Variants in GRIP2 observed in about 807,000 individuals in gnomAD.
GRIP2 encodes the protein glutamate receptor interacting protein 2.
A neutral mutation model predicts 108.3 loss-of-function variants in GRIP2; 58 were observed. The ratio of observed to expected loss-of-function variants is 0.54; its 90% CI spans 0.43 to 0.67. The LOEUF is 0.67. Among genes scored for constraint, GRIP2 ranks in the 30% least tolerant of loss-of-function variants. The pLI is 0.00. For synonymous variants in GRIP2, 586 were observed against 598.2 expected (o/e 0.98, Z 0.30); for missense variants, 1,278 against 1,430.6 (o/e 0.89, Z 1.72).
rs1424078392 is a variant in GRIP2, at chr3:14,522,781, C to T, written c.566+219G>A. On this transcript the variant is annotated intron_variant, in intron 6 of 23. Coordinates refer to ENST00000621039, the MANE Select transcript of GRIP2 (RefSeq NM_001080423.4). The surrounding 1 kb of genome is among the most constrained non-coding windows in gnomAD (Gnocchi z 4.3). ...TCTCCAAACACCCCAACCCCTGAGACAGCAGTATGTTGGGGAAGAAAGGGC... is the reference window on the plus strand; with the variant it reads ...TCTCCAAACACCCCAACCCCTGAGATAGCAGTATGTTGGGGAAGAAAGGGC... 1.8e-6 allele frequency: 1 copy of T among 554,158 alleles called. No homozygotes were observed. The allele number at this position is 554,158 out of a possible 1,614,324, so 34.3% of individuals were successfully genotyped here.
the GRIP2 span, among the ~76,000 whole-genome samples, chr3:14,601,291 G>T: frequency 6.6e-6 from 1 of 152,118 alleles, no homozygotes; most frequent in Non-Finnish European, 1.5e-5. Flanking sequence ...AGAGAGGCTT[G>T]TCCAAGATCA....
At chr3:14,509,997 C>G (rs1234081259) in intron 16 of GRIP2, 33 bp from the exon 17 acceptor site, 1 of 1,402,454 alleles carries the variant, frequency 7.1e-7, no homozygotes, top group Non-Finnish European at 9.4e-7. Flanking sequence ...GGAGGAGGCC[C>G]CCGAGGGGGT....
At chr3:14,499,151 G>A (rs2124843339) in intron 21 of GRIP2, among the ~76,000 whole-genome samples, 1 of 152,298 alleles carries the variant, frequency 6.6e-6, no homozygotes, top group Admixed American at 6.5e-5. Context: ...GGTGGGGCCG[G>A]AATCTGCCTT....
chr3:14,524,104 G>C, intron 4 of GRIP2: 1 of 530,508 alleles, frequency 1.9e-6, no homozygotes, highest in East Asian at 3.2e-5. Flanking sequence ...GGTAGGTCAG[G>C]GAACGACTTA....
the GRIP2 span, among the ~76,000 whole-genome samples, chr3:14,581,732 TG>T: frequency 6.6e-6 from 1 of 152,256 alleles, no homozygotes; most frequent in Non-Finnish European, 1.5e-5. Flanking sequence ...AGCCCCTGGA[TG>T]TAGCCCTTCC....
the GRIP2 span, among the ~76,000 whole-genome samples, chr3:14,563,755 T>G: frequency 6.6e-6 from 1 of 152,074 alleles, no homozygotes; most frequent in African/African-American, 2.4e-5. Flanking sequence ...AAAGAACTAG[T>G]GCTGAATCAG....
At chr3:14,599,166 G>A in the GRIP2 span, among the ~76,000 whole-genome samples, 1 of 152,118 alleles carries the variant, frequency 6.6e-6, no homozygotes, top group Non-Finnish European at 1.5e-5. Context: ...CCAATACCCA[G>A]AACAAGGCCC....
At chr3:14,596,745 C>T in the GRIP2 span, among the ~76,000 whole-genome samples, 1 of 152,024 alleles carries the variant, frequency 6.6e-6, no homozygotes, top group Non-Finnish European at 1.5e-5. Flanking sequence ...GGGAAGGCTT[C>T]TCTGAGGAGG....
chr3:14,601,064 TCTCA>T, the GRIP2 span, among the ~76,000 whole-genome samples: 1 of 145,544 alleles, frequency 6.9e-6, no homozygotes, highest in East Asian at 2.0e-4. Context: ...CATCTCTCTC[TCTCA>T]CACACACACA....
rs1693962744 is a variant in GRIP2 at position 14,507,462 on chromosome 3, A to G, written c.2218+99T>C. On this transcript the variant is annotated intron_variant, in intron 18 of 23. Coordinates refer to ENST00000621039, the MANE Select transcript of GRIP2 (RefSeq NM_001080423.4). This position sits in a 1 kb window ranked among gnomAD's most constrained non-coding sequence, Gnocchi z 4.6. Reference sequence around the variant, plus strand: ...CGCAGGCCCGCCTCCACAGGGCTGCAGTGAGGACTCTGTGAGGGTGTGCAG... The same window carrying G: ...CGCAGGCCCGCCTCCACAGGGCTGCGGTGAGGACTCTGTGAGGGTGTGCAG... 7.0e-7 allele frequency: 1 copy of G among 1,431,714 alleles called. No homozygotes were observed. The highest frequency in any genetic ancestry group is 1.2e-5 in the South Asian group (1 of 80,164). The allele number at this position is 1,431,714 out of a possible 1,614,324, so 88.7% of individuals were successfully genotyped here.
At chr3:14,569,690 C>A in the GRIP2 span, among the ~76,000 whole-genome samples, 1 of 152,172 alleles carries the variant, frequency 6.6e-6, no homozygotes, top group African/African-American at 2.4e-5. Context: ...TCCACCACCC[C>A]CCTCTTGCTG....
rs916249111 is a variant in GRIP2, at chr3:14,514,481, G to A, written c.1307-3C>T. The A allele has an allele frequency of 1.3e-6, 2 of 1,555,274 alleles. No homozygotes were observed. Among genetic ancestry groups the A allele is most frequent in the African/African-American group, 1.4e-5 (1 of 73,632 alleles). ...CACCGTGCTGGAGGCTAGCGACACT[G>A]TAGGACAGGTGGGCCCAGCATTCAG... On this transcript the variant is annotated splice_region_variant and splice_polypyrimidine_tract_variant and intron_variant, in intron 11 of 23. Transcript: ENST00000621039.
chr3:14,530,733 G>A (rs1284225751), intron 1 of GRIP2, among the ~76,000 whole-genome samples: 1 of 152,084 alleles, frequency 6.6e-6, no homozygotes, highest in Non-Finnish European at 1.5e-5. Flanking sequence ...TTTAATTCTT[G>A]TGGGTATGTA....
chr3:14,506,144 A>T (rs1180965829), intron 19 of GRIP2, among the ~76,000 whole-genome samples: 1 of 152,144 alleles, frequency 6.6e-6, no homozygotes, highest in African/African-American at 2.4e-5. Flanking sequence ...AGAGCTGGAG[A>T]TGGGGAAGCT....
the GRIP2 span, among the ~76,000 whole-genome samples, chr3:14,582,562 A>G: frequency 2.8e-4 from 43 of 152,314 alleles, no homozygotes; most frequent in African/African-American, 1.0e-3. Context: ...GAGGGCCAAC[A>G]GATATCTGCT....
rs61731933 is a variant in GRIP2, at chr3:14,514,356, C to A, written c.1429G>T (p.Ala477Ser). The A allele has an allele frequency of 7.0e-6, 11 of 1,573,708 alleles. No individual in the cohort carries two copies. The highest frequency in any genetic ancestry group is 8.6e-6 in the Non-Finnish European group (10 of 1,161,334). ...GGTGGGGAGGACAGGGTCTCGGTGG[C>A]GAAGATGCCGCCCTGGAGCTGGAGG... The part of the protein sequence containing the change: ...FGLQLQGGIF[A>S]TETLSSPPLV... The change falls in exon 12 of 24, where the codon GCC becomes TCC. Residue 477 changes from alanine (A) to serine (S), a missense_variant. By Grantham distance (99) the Ala-to-Ser change is moderately conservative (BLOSUM62 1). Transcript: ENST00000621039.
At chr3:14,496,337 G>A in intron 22 of GRIP2, 80 bp downstream of exon 22, 3 of 1,230,066 alleles carry the variant, frequency 2.4e-6, no homozygotes, top group African/African-American at 1.5e-5. Context: ...AGAGGGGCAG[G>A]GCCCCTCTGG....
At chr3:14,555,652 C>G (rs1014913121) in intron 1 of GRIP2, among the ~76,000 whole-genome samples, 6 of 151,526 alleles carry the variant, frequency 4.0e-5, no homozygotes, top group Admixed American at 2.0e-4. Context: ...GAGGAAGGGA[C>G]CCAGAGAGAG....
chr3:14,573,860 C>T, the GRIP2 span: 3 of 1,347,972 alleles, frequency 2.2e-6, no homozygotes, highest in Non-Finnish European at 2.1e-6. Context: ...CCAGCATGGG[C>T]GAGCACTCCT....
Sources: allele counts gnomAD v4.1 joint callset (sites outside exome capture counted in the v4.1 genomes callset), GRCh38; gene constraint gnomAD v4.1.1; non-coding constraint Gnocchi (gnomAD v3.1); transcripts MANE v1.5; gene names NCBI Gene and HGNC (gene_info 2026-07-23, HGNC 2026-07-21).